PTPA: variants seen among roughly 807,000 people sequenced by gnomAD.
PTPA encodes the protein protein phosphatase 2 phosphatase activator, also known as serine/threonine-protein phosphatase 2A activator.
In PTPA, 13 loss-of-function variants were observed where a neutral mutation model predicts 43.6. The observed-to-expected ratio is 0.30, with a 90% CI of 0.19 to 0.47. PTPA has a LOEUF of 0.47. PTPA is among the 20% of genes least tolerant of loss of function. PTPA has a pLI of 0.99. For synonymous variants in PTPA, 172 were observed against 158.2 expected (o/e 1.09, Z -0.66); for missense variants, 329 against 411.9 (o/e 0.80, Z 1.74).
rs937062143 is a variant in PTPA, at chr9:129,147,562, C to T, written c.*98C>T. ...CCCCATCCCCTCCCTCTGTTCGTCC[C>T]GTTTGATGAGAGGCTGTTTACTGGG... On this transcript the variant is annotated 3_prime_UTR_variant, in exon 10 of 10. Transcript: ENST00000393370. 2.3e-5 allele frequency: 30 copies of T among 1,299,960 alleles called. No homozygotes were observed. The highest frequency in any genetic ancestry group is 3.0e-5 in the Non-Finnish European group (28 of 925,350). 80.5% of individuals were successfully genotyped at this position (1,299,960 alleles called of 1,614,324 possible).
chr9:129,122,249 C>T (rs541301862), intron 2 of PTPA, among the ~76,000 whole-genome samples: 10 of 152,224 alleles, frequency 6.6e-5, no homozygotes, highest in Non-Finnish European at 1.3e-4. Flanking sequence ...ACCACAGGCA[C>T]GTACCACCAC....
intron 7 of PTPA, 44 bp from the exon 8 acceptor site, chr9:129,137,548 C>G: frequency 1.3e-6 from 2 of 1,511,018 alleles, no homozygotes; most frequent in Non-Finnish European, 1.8e-6. Context: ...CCCAGGTAGT[C>G]GTGGGGCCTG....
At chr9:129,135,963 T>G (rs1163329753) in intron 6 of PTPA, among the ~76,000 whole-genome samples, 1 of 151,708 alleles carries the variant, frequency 6.6e-6, no homozygotes, top group Admixed American at 6.6e-5. Flanking sequence ...GATTTTTTAT[T>G]TATTTATTTG....
At position 129,141,326 on chromosome 9, in the gene PTPA, T is replaced by C. The variant is rs572806163; in HGVS notation, c.787-1119T>C. ...GAGAGCGTTTCTGGCTTATCTTTTC[T>C]CCTTCAAAAAATAACCCAGTCTCCC... On this transcript the variant is annotated intron_variant, in intron 8 of 9. Coordinates refer to ENST00000393370, the MANE Select transcript of PTPA (RefSeq NM_178000.3). Among the ~76,000 whole-genome samples the C allele has an allele frequency of 2.6e-5, 4 of 152,186 alleles. No homozygotes were observed. In the South Asian group the frequency reaches 8.3e-4, roughly 32 times the overall value.
intron 1 of PTPA, among the ~76,000 whole-genome samples, chr9:129,115,642 AT>A (rs10706402): frequency 0.99 from 141,954 of 143,946 alleles, 69,998 homozygotes; most frequent in South Asian, 1. Context: ...GAGAGTTTGC[AT>A]TTTTTTTTTT....
In PTPA at chr9:129,148,649, C is replaced by G. The variant is rs1052125; in HGVS notation, c.*1185C>G. The G allele has an allele frequency of 6.5e-6, 1 of 152,926 alleles. No individual in the cohort carries two copies. Among genetic ancestry groups the G allele is most frequent in the African/African-American group, 2.4e-5 (1 of 41,450 alleles). 9.5% of individuals were successfully genotyped at this position (152,926 alleles called of 1,614,324 possible). On this transcript the variant is annotated 3_prime_UTR_variant, in exon 10 of 10. Coordinates refer to ENST00000393370, the MANE Select transcript of PTPA (RefSeq NM_178000.3). ...TTCCTGGGCCTGGCTCTTACAGGCT[C>G]GTCCCCCAGGCCTGCCCTTCTCCAC...
At chr9:129,116,384 C>CTT (rs142067473) in intron 1 of PTPA, among the ~76,000 whole-genome samples, 4,509 of 107,322 alleles carry the variant, frequency 0.042, 723 homozygotes, top group African/African-American at 0.18. Flanking sequence ...GACAGGGTTT[C>CTT]TTTTTTTTTT....
chr9:129,140,959 A>C (rs776578554), intron 8 of PTPA, among the ~76,000 whole-genome samples: 2 of 151,948 alleles, frequency 1.3e-5, no homozygotes, highest in East Asian at 3.9e-4. Flanking sequence ...GGTCCAAGAC[A>C]AGGCCCCCAG....
At chr9:129,125,151 G>A (rs907063652) in intron 3 of PTPA, among the ~76,000 whole-genome samples, 1 of 152,150 alleles carries the variant, frequency 6.6e-6, no homozygotes, top group African/African-American at 2.4e-5. Context: ...GAATGTCGTG[G>A]AGGAAGGCTA....
chr9:129,132,535 C>T (rs1044046049), intron 5 of PTPA, among the ~76,000 whole-genome samples: 4 of 152,132 alleles, frequency 2.6e-5, no homozygotes, highest in African/African-American at 9.7e-5. Context: ...GAGTCTCACT[C>T]TGTTGCCCAG....
chr9:129,143,037 T>C, intron 9 of PTPA: 1 of 887,554 alleles, frequency 1.1e-6, no homozygotes, highest in Non-Finnish European at 1.7e-6. Flanking sequence ...GGCATTTTTA[T>C]GGACCGCTTC....
At chr9:129,137,854 G>A (rs566674857) in intron 8 of PTPA, 162 bp downstream of exon 8, 5 of 697,202 alleles carry the variant, frequency 7.2e-6, no homozygotes, top group African/African-American at 3.6e-5. Flanking sequence ...GGCCTCTTCC[G>A]AAAGAGCCGC....
chr9:129,129,754 C>T (rs1015779381), intron 4 of PTPA, among the ~76,000 whole-genome samples: 2 of 152,160 alleles, frequency 1.3e-5, no homozygotes, highest in Non-Finnish European at 2.9e-5. Context: ...CAGGTGTGAG[C>T]CACCACGCTC....
chr9:129,129,357 G>A (rs1286626019), intron 4 of PTPA, among the ~76,000 whole-genome samples: 1 of 152,090 alleles, frequency 6.6e-6, no homozygotes, highest in Non-Finnish European at 1.5e-5. Context: ...CTGTATTACA[G>A]CAAACTGGAA....
chr9:129,116,123 C>T (rs1356787037), intron 1 of PTPA, among the ~76,000 whole-genome samples: 12 of 151,102 alleles, frequency 7.9e-5, no homozygotes, highest in Non-Finnish European at 1.0e-4. Context: ...TGGGTTCAAG[C>T]GATTCTGCCT....
chr9:129,117,905 C>T, intron 1 of PTPA, among the ~76,000 whole-genome samples: 1 of 151,534 alleles, frequency 6.6e-6, no homozygotes. Flanking sequence ...AATATGTTTC[C>T]CAGGCCTGGT....
In PTPA at chr9:129,147,960, GC is replaced by G. The variant is rs1486590528; in HGVS notation, c.*497del. ...GTGGCCATCTATGGTAGGGCTGGAAGCTGAGGCTGGCCGCCAGCTGTGGGCT... is the reference window on the plus strand; with the variant it reads ...GTGGCCATCTATGGTAGGGCTGGAAGTGAGGCTGGCCGCCAGCTGTGGGCT... On this transcript the variant is annotated 3_prime_UTR_variant, in exon 10 of 10. Coordinates refer to ENST00000393370, the MANE Select transcript of PTPA (RefSeq NM_178000.3). The G allele has an allele frequency of 6.6e-6, 1 of 150,620 alleles. No individual in the cohort carries two copies. The highest frequency in any genetic ancestry group is 6.7e-5 in the Admixed American group (1 of 15,014). The allele number at this position is 150,620 out of a possible 1,614,324, so 9.3% of individuals were successfully genotyped here.
chr9:129,127,677 C>T (rs1849669412), intron 3 of PTPA, among the ~76,000 whole-genome samples: 1 of 152,204 alleles, frequency 6.6e-6, no homozygotes. Flanking sequence ...GCCCGCACCT[C>T]TGACTCCGAT....
chr9:129,124,679 C>A (rs921145769), intron 3 of PTPA, among the ~76,000 whole-genome samples: 3 of 152,218 alleles, frequency 2.0e-5, no homozygotes, highest in Admixed American at 2.0e-4. Flanking sequence ...AGGACCTAGG[C>A]CTCCAGGAGC....
Sources: allele counts gnomAD v4.1 joint callset (sites outside exome capture counted in the v4.1 genomes callset), GRCh38; gene constraint gnomAD v4.1.1; transcripts MANE v1.5; gene names NCBI Gene and HGNC (gene_info 2026-07-23, HGNC 2026-07-21).